Variants in ANKRD31 observed in about 807,000 individuals in gnomAD.
ANKRD31 encodes ankyrin repeat domain 31, also known as ankyrin repeat domain-containing protein 31.
In ANKRD31, 147 loss-of-function variants were observed where a neutral mutation model predicts 186.0. That is an observed-to-expected ratio of 0.79 (90% CI 0.69 to 0.91). ANKRD31 has a LOEUF of 0.91. ANKRD31 is among the 40% of genes least tolerant of loss of function. The probability of loss-of-function intolerance (pLI) is 0.00; values close to 1 mark genes in which losing one functional copy is unlikely to be tolerated. For missense variants in ANKRD31, 1,986 were observed against 2,148.8 expected (o/e 0.92, Z 1.50); for synonymous variants, 673 against 736.4 (o/e 0.91, Z 1.39).
Position 75,104,876 on chromosome 5 carries a change from T to C in ANKRD31, c.4683A>G (p.Ser1561=), listed in dbSNP as rs1451477849. ...YSQNTNICLN[S]EAVRRGEFSG... is the part of the protein sequence containing the mutation. ...AAAATTCTCCCCTTCTCACTGCCTC[T>C]GAATTTAGACAAATGTTGGTATTTT... The change falls in exon 22 of 26, where the codon TCA becomes TCG. Residue 1561 remains serine, a synonymous_variant. Coordinates refer to ENST00000506364, the MANE Select transcript of ANKRD31 (RefSeq NM_001372053.1). 2.0e-6 allele frequency: 3 copies of C among 1,537,248 alleles called. No homozygotes were observed. Among genetic ancestry groups the C allele is most frequent in the Non-Finnish European group, 2.6e-6 (3 of 1,146,894 alleles).
At chr5:75,119,130 A>G (rs538096205) in intron 17 of ANKRD31, among the ~76,000 whole-genome samples, 65 of 152,338 alleles carry the variant, frequency 4.3e-4, no homozygotes, top group Non-Finnish European at 8.5e-4. Context: ...TTCAAATGAT[A>G]TATGTGCAGG....
intron 23 of ANKRD31, among the ~76,000 whole-genome samples, chr5:75,086,839 G>A (rs1561404689): frequency 6.6e-6 from 1 of 152,144 alleles, no homozygotes; most frequent in Non-Finnish European, 1.5e-5. Context: ...TCATACTAGG[G>A]AAAAAGTAGG....
intron 23 of ANKRD31, among the ~76,000 whole-genome samples, chr5:75,087,831 A>G (rs1312884493): frequency 1.3e-5 from 2 of 152,220 alleles, no homozygotes; most frequent in Non-Finnish European, 2.9e-5. Flanking sequence ...CTGCCTTGGA[A>G]GAGCTGTTTC....
chr5:75,228,004 G>A (rs1757733730), intron 2 of ANKRD31, among the ~76,000 whole-genome samples: 1 of 152,190 alleles, frequency 6.6e-6, no homozygotes, highest in African/African-American at 2.4e-5. Flanking sequence ...GCCATCCTGG[G>A]AAAAATTATC....
intron 23 of ANKRD31, among the ~76,000 whole-genome samples, chr5:75,088,836 TCAA>T (rs1745709919): frequency 6.6e-6 from 1 of 152,202 alleles, no homozygotes; most frequent in Admixed American, 6.5e-5. Flanking sequence ...GCTTTATAAA[TCAA>T]ACAGTGCTAT....
intron 20 of ANKRD31, among the ~76,000 whole-genome samples, chr5:75,111,322 TG>T (rs1048951768): frequency 6.6e-6 from 1 of 152,058 alleles, no homozygotes; most frequent in Non-Finnish European, 1.5e-5. Flanking sequence ...ACTTTCATAA[TG>T]AAAAAAATTA....
At position 75,116,675 on chromosome 5, in the gene ANKRD31, A is replaced by AT; in HGVS notation, c.4045dup (p.Ile1349AsnfsTer7). ...ATGTCTTTTAGACCGGACAGCAGGA[A>AT]TTTTTTCTTTAAAAAGTAAAATTAG... On this transcript the variant is annotated frameshift_variant, in exon 19 of 26. Transcript: ENST00000506364. LOFTEE classifies it high-confidence loss of function. 2 of 1,399,332 alleles carry AT rather than the reference A, an allele frequency of 1.4e-6. No homozygotes were observed. Among genetic ancestry groups the AT allele is most frequent in the Non-Finnish European group, 9.3e-7 (1 of 1,071,414 alleles). 86.7% of individuals were successfully genotyped at this position (1,399,332 alleles called of 1,614,324 possible).
chr5:75,184,228 TCA>T, intron 10 of ANKRD31, among the ~76,000 whole-genome samples: 1 of 152,228 alleles, frequency 6.6e-6, no homozygotes, highest in East Asian at 1.9e-4. Context: ...ATCCTTATTT[TCA>T]ACACATACAA....
intron 17 of ANKRD31, among the ~76,000 whole-genome samples, chr5:75,137,345 G>A (rs1297025989): frequency 1.3e-5 from 2 of 152,092 alleles, no homozygotes; most frequent in African/African-American, 2.4e-5. Context: ...TTGAAAGTCA[G>A]TGTCATTGAA....
intron 12 of ANKRD31, among the ~76,000 whole-genome samples, chr5:75,152,164 T>C (rs1751884805): frequency 6.6e-6 from 1 of 152,080 alleles, no homozygotes; most frequent in African/African-American, 2.4e-5. Flanking sequence ...GGTCTGGATC[T>C]TCAGCTTTTC....
intron 10 of ANKRD31, among the ~76,000 whole-genome samples, chr5:75,176,562 A>G (rs1353853840): frequency 6.6e-6 from 1 of 152,184 alleles, no homozygotes; most frequent in Non-Finnish European, 1.5e-5. Flanking sequence ...AGGCAGCAGC[A>G]TTTGTGGTTC....
At chr5:75,180,579 G>A (rs980458650) in intron 10 of ANKRD31, among the ~76,000 whole-genome samples, 13 of 151,962 alleles carry the variant, frequency 8.6e-5, no homozygotes, top group East Asian at 3.9e-4. Context: ...AAGTAATGCC[G>A]CATATCTACA....
chr5:75,096,490 T>A (rs988374016), intron 22 of ANKRD31, among the ~76,000 whole-genome samples: 1 of 152,190 alleles, frequency 6.6e-6, no homozygotes, highest in Non-Finnish European at 1.5e-5. Flanking sequence ...TAGTTTCTTT[T>A]GCTGTGCAGA....
At chr5:75,068,697 G>T in intron 25 of ANKRD31, 33 bp from the exon 26 acceptor site, 1 of 1,454,228 alleles carries the variant, frequency 6.9e-7, no homozygotes, top group Non-Finnish European at 9.0e-7. Context: ...ATTAAAAACT[G>T]CCCTCTGAAA....
Position 75,116,614 on chromosome 5 carries a change from G to T in ANKRD31, c.4107C>A (p.Asp1369Glu). Residue 1369 changes from aspartate (D) to glutamate (E), a missense_variant, in exon 19 of 26, where the codon GAC becomes GAA. By Grantham distance (45) the Asp-to-Glu change is conservative. Transcript: ENST00000506364. ...TTTCTTGGTGTGAAAGGGAAGATGA[G>T]TCAATAGTTTTGCCATCATCACAAA... ...QCFCDDGKTI[D>E]SSSLSHQERS... The T allele has an allele frequency of 3.4e-6, 5 of 1,476,260 alleles. No individual in the cohort carries two copies. The highest frequency in any genetic ancestry group is 4.5e-6 in the Non-Finnish European group (5 of 1,109,072). The allele number at this position is 1,476,260 out of a possible 1,614,324, so 91.4% of individuals were successfully genotyped here.
intron 11 of ANKRD31, among the ~76,000 whole-genome samples, chr5:75,164,980 T>G (rs1162172410): frequency 6.6e-6 from 1 of 152,228 alleles, no homozygotes; most frequent in African/African-American, 2.4e-5. Flanking sequence ...TAGGTTGCTG[T>G]GTCTTAATAA....
chr5:75,162,711 G>A (rs1168181969), intron 11 of ANKRD31, among the ~76,000 whole-genome samples: 1 of 152,040 alleles, frequency 6.6e-6, no homozygotes, highest in Non-Finnish European at 1.5e-5. Context: ...GACCTGGTGG[G>A]AGATAATTGA....
chr5:75,155,186 CT>C (rs1274602180), intron 11 of ANKRD31, among the ~76,000 whole-genome samples: 4 of 151,984 alleles, frequency 2.6e-5, no homozygotes, highest in African/African-American at 9.7e-5. Context: ...TCCTCTACCC[CT>C]GTTCTATTAT....
In ANKRD31 at chr5:75,147,770, T is replaced by C. The variant is rs181982874; in HGVS notation, c.1906-265A>G. Among the ~76,000 whole-genome samples, 27 of 152,034 alleles carry C rather than the reference T, an allele frequency of 1.8e-4. No individual in the cohort carries two copies. The East Asian group carries it at 5.2e-3, about 29-fold the overall frequency. ...AGATTTTAATTCCTTCTTGCCAGTA[T>C]TGTAGCACTACTAATCTTATTAAAC... On this transcript the variant is annotated intron_variant, in intron 13 of 25. Transcript: ENST00000506364.
Sources: gnomAD v4.1 joint callset for allele counts (sites outside exome capture counted in the v4.1 genomes callset) on GRCh38, gnomAD v4.1.1 for gene constraint, MANE v1.5 for transcripts, NCBI Gene and HGNC (gene_info 2026-07-23, HGNC 2026-07-21) for gene names.